ZAP70: variants seen among roughly 807,000 people sequenced by gnomAD.
The protein encoded by ZAP70 is zeta chain of T cell receptor associated protein kinase 70.
In ZAP70, 27 loss-of-function variants were observed where a neutral mutation model predicts 65.8. The ratio of observed to expected loss-of-function variants is 0.41; its 90% confidence interval spans 0.30 to 0.57. The LOEUF (loss-of-function observed/expected upper bound fraction) is 0.57. Ranked by LOEUF, ZAP70 falls within the 20% of genes least tolerant of loss-of-function variation. ZAP70 has a pLI of 0.28. For synonymous variants in ZAP70, 363 were observed against 360.8 expected (o/e 1.01, Z -0.07); for missense variants, 696 against 870.5 (o/e 0.80, Z 2.52).
At chr2:97,747,658 G>A in the ZAP70 span, among the ~76,000 whole-genome samples, 2 of 152,028 alleles carry the variant, frequency 1.3e-5, no homozygotes, top group African/African-American at 4.8e-5. Flanking sequence ...TGAGAGAGTG[G>A]TGATGGTTGC....
At chr2:97,718,146 C>T (rs763141786) in intron 2 of ZAP70, among the ~76,000 whole-genome samples, 1 of 152,044 alleles carries the variant, frequency 6.6e-6, no homozygotes, top group Non-Finnish European at 1.5e-5. Flanking sequence ...AAGTCCTGTC[C>T]GTCGGGATGG....
downstream of ZAP70, among the ~76,000 whole-genome samples, chr2:97,740,022 T>A (rs1052985023): frequency 6.6e-6 from 1 of 152,056 alleles, no homozygotes; most frequent in Non-Finnish European, 1.5e-5. Flanking sequence ...CACCTTCATG[T>A]GAGTGAGCGG....
At chr2:97,717,346 G>A (rs994686206) in intron 2 of ZAP70, among the ~76,000 whole-genome samples, 4 of 142,992 alleles carry the variant, frequency 2.8e-5, no homozygotes, top group Non-Finnish European at 5.9e-5. Flanking sequence ...TGGCTGGGGG[G>A]ACATGCGGAG....
chr2:97,730,945 C>T (rs1373380453), intron 4 of ZAP70, among the ~76,000 whole-genome samples: 2 of 151,048 alleles, frequency 1.3e-5, no homozygotes. Flanking sequence ...GTCCCAGCTA[C>T]TTGGGAGGCT....
intron 2 of ZAP70, among the ~76,000 whole-genome samples, chr2:97,723,215 C>T (rs1265684641): frequency 6.6e-6 from 1 of 152,234 alleles, no homozygotes; most frequent in African/African-American, 2.4e-5. Flanking sequence ...TAACCAGTCC[C>T]CTAGGGATGG....
intron 4 of ZAP70, among the ~76,000 whole-genome samples, chr2:97,729,534 A>G (rs1344198618): frequency 6.6e-6 from 1 of 152,238 alleles, no homozygotes; most frequent in African/African-American, 2.4e-5. Flanking sequence ...TTTAGAACCA[A>G]TATCTTAATA....
the ZAP70 span, among the ~76,000 whole-genome samples, chr2:97,749,623 T>C: frequency 1.3e-5 from 2 of 152,192 alleles, no homozygotes; most frequent in Non-Finnish European, 2.9e-5. Flanking sequence ...CAGCCCCACA[T>C]TGCCTTAACT....
At chr2:97,756,019 T>C in the ZAP70 span, among the ~76,000 whole-genome samples, 1 of 152,244 alleles carries the variant, frequency 6.6e-6, no homozygotes, top group African/African-American at 2.4e-5. Context: ...GTTAGCCAGG[T>C]ACCTGACAGA....
rs199627332 is a variant in ZAP70, at chr2:97,739,390, C to G, written c.1752C>G (p.Pro584=). The G allele has an allele frequency of 1.2e-6, 2 of 1,613,400 alleles. No homozygotes were observed. Among genetic ancestry groups the G allele is most frequent in the Non-Finnish European group, 1.7e-6 (2 of 1,179,894 alleles). The change falls in exon 14 of 14, where the codon CCC becomes CCG. Residue 584 remains proline (P), a synonymous_variant. Coordinates refer to ENST00000264972, the MANE Select transcript of ZAP70 (RefSeq NM_001079.4). ...CGCCCCACAGGTGGGAGGATCGCCC[C>G]GACTTCCTGACCGTGGAGCAGCGCA... ...DCWIYKWEDR[P]DFLTVEQRMR... is the part of the protein sequence containing the mutation.
intron 2 of ZAP70, among the ~76,000 whole-genome samples, chr2:97,722,818 C>T (rs1000653275): frequency 3.9e-5 from 6 of 152,318 alleles, no homozygotes; most frequent in South Asian, 2.1e-4. Flanking sequence ...GTTCGTCCAT[C>T]GGTCAGTGTT....
At chr2:97,739,333 G>A in intron 13 of ZAP70, 42 bp from the exon 14 acceptor site, 1 of 1,610,700 alleles carries the variant, frequency 6.2e-7, no homozygotes, top group Non-Finnish European at 8.5e-7. Context: ...GCTGGGTCCT[G>A]GGGGCGTGGT....
At chr2:97,746,452 A>G in the ZAP70 span, among the ~76,000 whole-genome samples, 1 of 152,262 alleles carries the variant, frequency 6.6e-6, no homozygotes, top group Non-Finnish European at 1.5e-5. Flanking sequence ...AGCACAACCA[A>G]CGTTGTCTAT....
At chr2:97,724,639 C>A (rs967386356) in intron 3 of ZAP70, 2 of 1,532,232 alleles carry the variant, frequency 1.3e-6, no homozygotes, top group Non-Finnish European at 1.7e-6. Context: ...GGTCGCCTTC[C>A]GCAGGCTGAG....
intron 4 of ZAP70, among the ~76,000 whole-genome samples, chr2:97,732,184 T>C (rs58511420): frequency 0.15 from 22,945 of 152,158 alleles, 2,296 homozygotes; most frequent in African/African-American, 0.28. Flanking sequence ...TATATTTATA[T>C]TGACAAAATT....
At chr2:97,749,094 C>T in the ZAP70 span, among the ~76,000 whole-genome samples, 1 of 150,656 alleles carries the variant, frequency 6.6e-6, no homozygotes, top group African/African-American at 2.4e-5. Flanking sequence ...ACTGCAAGCT[C>T]CGCCTCCCGG....
chr2:97,735,559 A>T, intron 10 of ZAP70, 103 bp downstream of exon 10: 1 of 1,354,962 alleles, frequency 7.4e-7, no homozygotes, highest in East Asian at 2.3e-5. Flanking sequence ...AAGCCGGGGC[A>T]CTTCCACACC....
rs530318944 is a variant in ZAP70, at chr2:97,738,895, T to C, written c.1737-480T>C. ...CCCAACACAGTCCATGGATACCCCA[T>C]GCACAGTACCGTTAATACTGCCGCT... On this transcript the variant is annotated intron_variant, in intron 13 of 13. Transcript: ENST00000264972. Among the ~76,000 whole-genome samples, 16 of 152,172 alleles carry C rather than the reference T, an allele frequency of 1.1e-4. No homozygotes were observed. The East Asian group carries it at 1.4e-3, about 13-fold the overall frequency.
In ZAP70 at chr2:97,732,892, G is replaced by A. The variant is rs762743272; in HGVS notation, c.573G>A (p.Pro191=). ...AQTDGKFLLR[P]RKEQGTYALS... The stretch of plus-strand genomic sequence containing the variant: ...TCCCTTCCCCTGCCAGGCTGAGGCC[G>A]CGGAAGGAGCAGGGCACATACGCCC... The change falls in exon 5 of 14, where the codon CCG becomes CCA. Residue 191 remains proline (P), a synonymous_variant. Transcript: ENST00000264972. 32 of 1,613,930 alleles carry A rather than the reference G, an allele frequency of 2.0e-5. No individual in the cohort carries two copies. The Middle Eastern group carries it at 8.2e-4, about 42-fold the overall frequency.
At chr2:97,754,527 T>C in the ZAP70 span, among the ~76,000 whole-genome samples, 1 of 152,076 alleles carries the variant, frequency 6.6e-6, no homozygotes, top group Non-Finnish European at 1.5e-5. Flanking sequence ...CTCAGCCTCC[T>C]GAGTAGCTGG....
Sources: gnomAD v4.1 joint callset for allele counts (sites outside exome capture counted in the v4.1 genomes callset) on GRCh38, gnomAD v4.1.1 for gene constraint, MANE v1.5 for transcripts, NCBI Gene and HGNC (gene_info 2026-07-23, HGNC 2026-07-21) for gene names.